CPT1C: variants seen among roughly 807,000 people sequenced by gnomAD.
CPT1C encodes palmitoyl thioesterase CPT1C.
Under a neutral mutation model 97.3 loss-of-function variants are expected in CPT1C, and 61 were observed. That is an observed-to-expected ratio of 0.63 (90% confidence interval 0.51 to 0.78). The LOEUF is 0.78. Ranked by LOEUF, CPT1C falls within the 30% of genes least tolerant of loss-of-function variation. CPT1C has a pLI of 0.00. For missense variants in CPT1C, 975 were observed against 1,065.5 expected (o/e 0.92, Z 1.18); for synonymous variants, 469 against 447.2 (o/e 1.05, Z -0.61).
rs769178605 is a variant in CPT1C, at chr19:49,706,333, C to T, written c.1263C>T (p.Pro421=). 1.6e-5 allele frequency: 25 copies of T among 1,523,446 alleles called. No individual in the cohort carries two copies. Among genetic ancestry groups the T allele is most frequent in the Middle Eastern group, 1.7e-4 (1 of 5,786 alleles). 94.4% of individuals were successfully genotyped at this position (1,523,446 alleles called of 1,614,324 possible). ...AAFFVSLDAE[P]AGLTREDPAA... ...TCTTTGTGTCACTGGATGCTGAGCC[C>T]GCGGGGCTCACCAGGGAGGACCCGG... Residue 421 remains proline (P), a synonymous_variant, in exon 12 of 20, where the codon CCC becomes CCT. Coordinates refer to ENST00000598293, the MANE Select transcript of CPT1C (RefSeq NM_001199753.2). The surrounding 1 kb of genome is among the most constrained non-coding windows in gnomAD (Gnocchi z 4.8).
At chr19:49,711,410 A>C (rs1327820228) in intron 16 of CPT1C, 3 of 178,398 alleles carry the variant, frequency 1.7e-5, no homozygotes, top group African/African-American at 2.4e-5. Context: ...CCTGGCTGGA[A>C]CTCCATTTTT....
chr19:49,702,191 CTT>C (rs2083211454), intron 7 of CPT1C, among the ~76,000 whole-genome samples: 1 of 107,496 alleles, frequency 9.3e-6, no homozygotes, highest in Non-Finnish European at 1.7e-5. Flanking sequence ...TATATATAGG[CTT>C]ATATATTTAT....
chr19:49,696,628 T>C (rs12977188), intron 3 of CPT1C: 18,686 of 130,864 alleles, frequency 0.14, 1,414 homozygotes, highest in Non-Finnish European at 0.18. Flanking sequence ...CCTAATTTTT[T>C]TTTCTTTCTT....
In CPT1C at chr19:49,711,880, C is replaced by T. The variant is rs568966558; in HGVS notation, c.1938C>T (p.Ser646=). 51 of 1,614,082 alleles carry T rather than the reference C, an allele frequency of 3.2e-5. No homozygotes were observed. The highest frequency in any genetic ancestry group is 4.4e-5 in the South Asian group (4 of 91,092). The change falls in exon 17 of 20, where the codon AGC becomes AGT. Residue 646 remains serine, a synonymous_variant. Transcript: ENST00000598293. ...KHQALLKAAM[S]GQGVDRHLFA... Reference sequence around the variant, plus strand: ...AGGCTCTGCTGAAGGCAGCCATGAGCGGGCAGGGAGTTGACCGCCACCTGT... The same window carrying T: ...AGGCTCTGCTGAAGGCAGCCATGAGTGGGCAGGGAGTTGACCGCCACCTGT...
At chr19:49,709,090 TCTAC>T (rs2083686816) in intron 14 of CPT1C, among the ~76,000 whole-genome samples, 1 of 144,056 alleles carries the variant, frequency 6.9e-6, no homozygotes, top group African/African-American at 2.6e-5. Flanking sequence ...CAACCCCATC[TCTAC>T]CTGTTTCAGA....
rs2083099967 is a variant in CPT1C at position 49,701,906 on chromosome 19, ATATT to A, written c.693+276_693+279del. Among the ~76,000 whole-genome samples the A allele has an allele frequency of 2.6e-5, 3 of 115,240 alleles. No homozygotes were observed. In the South Asian group the frequency reaches 6.9e-4, roughly 26 times the overall value. The allele number at this position is 115,240 out of a possible 152,430, so 75.6% of individuals were successfully genotyped here. On this transcript the variant is annotated intron_variant, in intron 7 of 19. Transcript: ENST00000598293. ...TATATATATTTATTTATAAATATAT[ATATT>A]TATATTTATATACAAATATTAATAT...
At chr19:49,698,663 A>AC (rs2082814154) in intron 4 of CPT1C, among the ~76,000 whole-genome samples, 1 of 129,506 alleles carries the variant, frequency 7.7e-6, no homozygotes, top group South Asian at 3.2e-4. Context: ...ACTCTGTCTC[A>AC]AAAAAAAAAA....
At chr19:49,700,267 A>AAC (rs1036413355) in intron 4 of CPT1C, among the ~76,000 whole-genome samples, 12 of 151,090 alleles carry the variant, frequency 7.9e-5, no homozygotes, top group Non-Finnish European at 1.5e-5. Context: ...CAAAACAAAA[A>AAC]AAAAAACGCT....
At chr19:49,697,509 C>T (rs2082735623) in intron 4 of CPT1C, 44 bp downstream of exon 4, 3 of 1,593,146 alleles carry the variant, frequency 1.9e-6, no homozygotes. Context: ...AATCACTCTC[C>T]CTTCACCCAG....
intron 7 of CPT1C, among the ~76,000 whole-genome samples, chr19:49,703,099 ACT>A (rs1358605388): frequency 7.5e-6 from 1 of 133,924 alleles, no homozygotes; most frequent in Non-Finnish European, 1.6e-5. Context: ...ACACACACAC[ACT>A]CATTTCTTTC....
intron 3 of CPT1C, among the ~76,000 whole-genome samples, chr19:49,693,744 G>A (rs1165037680): frequency 6.6e-6 from 1 of 151,690 alleles, no homozygotes; most frequent in Non-Finnish European, 1.5e-5. Flanking sequence ...GACAACATAG[G>A]GAGACCCCAT....
intron 10 of CPT1C, 87 bp from the exon 11 acceptor site, chr19:49,705,822 C>T (rs528193493): frequency 2.4e-5 from 29 of 1,229,840 alleles, no homozygotes; most frequent in South Asian, 7.2e-5. Flanking sequence ...GAACAACTGA[C>T]GACACCTAAG....
Position 49,712,846 on chromosome 19 carries a change from GC to G in CPT1C, c.2132del (p.Pro711LeufsTer18). On this transcript the variant is annotated frameshift_variant and splice_region_variant, in exon 18 of 20. Transcript: ENST00000598293. LOFTEE classifies it high-confidence loss of function. ...DYVSSGGGFGPADDHGYGVSY... is the reference protein window; with the variant it reads ...DYVSSGGGFGXADDHGYGVSY... ...ATGTTTCCTCAGGCGGTGGATTCGG[GC>G]CTGTGAGTGGAGCTGGGCGCGCTGG... 1 of 1,520,324 alleles carries G rather than the reference GC, an allele frequency of 6.6e-7. No homozygotes were observed. The highest frequency in any genetic ancestry group is 8.7e-7 in the Non-Finnish European group (1 of 1,143,800). The allele number at this position is 1,520,324 out of a possible 1,614,324, so 94.2% of individuals were successfully genotyped here.
intron 17 of CPT1C, 110 bp downstream of exon 17, chr19:49,712,071 G>A (rs1356222249): frequency 9.0e-6 from 12 of 1,328,260 alleles, no homozygotes; most frequent in African/African-American, 2.9e-5. Flanking sequence ...GGCCGGGCAC[G>A]GTGGCTCACG....
intron 4 of CPT1C, 173 bp downstream of exon 4, chr19:49,697,638 C>A: frequency 1.4e-6 from 1 of 690,516 alleles, no homozygotes; most frequent in Non-Finnish European, 2.3e-6. Flanking sequence ...GGCACAGTGG[C>A]TCACCCCTGT....
Position 49,704,702 on chromosome 19 carries a change from G to C in CPT1C, c.694-8G>C, listed in dbSNP as rs565574975. On this transcript the variant is annotated splice_region_variant and splice_polypyrimidine_tract_variant and intron_variant, in intron 7 of 19. Transcript: ENST00000598293. ...CCCTCACTGTGTGTCTCCCCACCCCGCTCCCAGGTCAGTGACTGGTGGGAG... is the reference window on the plus strand; with the variant it reads ...CCCTCACTGTGTGTCTCCCCACCCCCCTCCCAGGTCAGTGACTGGTGGGAG... 1.9e-6 allele frequency: 3 copies of C among 1,603,650 alleles called. No individual in the cohort carries two copies. Among genetic ancestry groups the C allele is most frequent in the African/African-American group, 2.7e-5 (2 of 74,508 alleles).
chr19:49,705,071 T>C lies in CPT1C; in HGVS notation c.836T>C (p.Leu279Pro). 6.2e-7 allele frequency: 1 copy of C among 1,613,502 alleles called. No individual in the cohort carries two copies. The highest frequency in any genetic ancestry group is 8.5e-7 in the Non-Finnish European group (1 of 1,179,728). Residue 279 changes from leucine (L) to proline (P), a missense_variant, in exon 9 of 20, where the codon CTC (leucine) becomes CCC (proline). Physicochemically the swap from Leu to Pro is moderately conservative, Grantham distance 98 (BLOSUM62 -3). Around this residue, in one of 3 missense-constraint regions of CPT1C, gnomAD observed 596 missense variants for 603.1 expected, o/e 0.99. Coordinates refer to ENST00000598293, the MANE Select transcript of CPT1C (RefSeq NM_001199753.2). ...AARAGNAVHA[L>P]LLYRHRLNRQ... The stretch of plus-strand genomic sequence containing the variant: ...CGCGCTGGGAATGCCGTCCATGCCC[T>C]CCTCCTGTACCGCCACCGCCTGAAC...
rs1328292002 is a variant in CPT1C at position 49,700,257 on chromosome 19, C to CAAA, written c.282-425_282-423dup. 9.4e-4 allele frequency among the ~76,000 whole-genome samples: 102 copies of CAAA among 108,204 alleles called. 2 individuals carry two copies. In the East Asian group the frequency reaches 0.015, roughly 16 times the overall value. 71.0% of individuals were successfully genotyped at this position (108,204 alleles called of 152,430 possible). A position where few individuals can be genotyped will look rare whatever the true frequency, so the allele number is the denominator to read the frequency against. Reference sequence around the variant, plus strand: ...GCGAGACTCCATCCCAAAAACAAAACAAAACAAAAAAAAAAACGCTGATTG... The same window carrying CAAA: ...GCGAGACTCCATCCCAAAAACAAAACAAAAAAACAAAAAAAAAAACGCTGATTG... On this transcript the variant is annotated intron_variant, in intron 4 of 19. Transcript: ENST00000598293.
intron 17 of CPT1C, chr19:49,712,268 C>G: frequency 5.6e-6 from 2 of 359,260 alleles, no homozygotes; most frequent in South Asian, 6.2e-5. Context: ...CCCTTGAACC[C>G]GGGAGGCGGA....
Sources: allele counts gnomAD v4.1 joint callset (sites outside exome capture counted in the v4.1 genomes callset), GRCh38; gene constraint gnomAD v4.1.1; regional missense constraint gnomAD v4.1.1; non-coding constraint Gnocchi (gnomAD v3.1); transcripts MANE v1.5; gene names NCBI Gene and HGNC (gene_info 2026-07-23, HGNC 2026-07-21).